The following ABCA10 variants were observed in gnomAD, a reference collection of about 807,000 sequenced individuals.
ABCA10 encodes ATP binding cassette subfamily A member 10, also known as ATP-binding cassette sub-family A member 10.
Under a neutral mutation model 187.5 loss-of-function variants are expected in ABCA10, and 169 were observed. The ratio of observed to expected loss-of-function variants is 0.90; its 90% confidence interval spans 0.80 to 1.02. The LOEUF (loss-of-function observed/expected upper bound fraction) is 1.02. ABCA10 is among the 50% of genes least tolerant of loss of function. ABCA10 has a pLI of 0.00. For synonymous variants in ABCA10, 574 were observed against 601.8 expected, an observed-to-expected ratio of 0.95 and a Z score of 0.68; for missense variants, 1,727 against 1,812.4, an observed-to-expected ratio of 0.95 and a Z score of 0.86.
chr17:69,174,800 G>C (rs1242265441), intron 23 of ABCA10, 23 bp from the exon 24 acceptor site: 1 of 1,527,726 alleles, frequency 6.5e-7, no homozygotes, highest in Non-Finnish European at 8.8e-7. Context: ...AGAAGGGATA[G>C]AGGAAGGGAT....
chr17:69,222,596 A>G lies in ABCA10; in HGVS notation c.136T>C (p.Tyr46His). ...TATCCCCAATTAAACTTCAGGCGATATGAGAAAGTATCACTAAATATAACT... is the reference window on the plus strand; with the variant it reads ...TATCCCCAATTAAACTTCAGGCGATGTGAGAAAGTATCACTAAATATAACT... ...VGVIFSDTFSYRLKFNWGYRI... is the reference protein window; with the variant it reads ...VGVIFSDTFSHRLKFNWGYRI... Residue 46 changes from tyrosine (Y) to histidine (H), a missense_variant, in exon 4 of 39, where the codon TAT becomes CAT. Physicochemically the swap from Tyr to His is moderately conservative, Grantham distance 83 (BLOSUM62 2). Coordinates refer to ENST00000690296, the MANE Select transcript of ABCA10 (RefSeq NM_001377321.1). 1 of 1,603,600 alleles carries G rather than the reference A, an allele frequency of 6.2e-7. No homozygotes were observed. The highest frequency in any genetic ancestry group is 1.8e-5 in the Admixed American group (1 of 56,530).
chr17:69,202,034 C>T (rs187521831), intron 9 of ABCA10, among the ~76,000 whole-genome samples: 3 of 152,302 alleles, frequency 2.0e-5, no homozygotes, highest in South Asian at 2.1e-4. Flanking sequence ...CCGCCCACCT[C>T]GGCCTCCCAA....
chr17:69,197,598 A>G (rs944853834), intron 10 of ABCA10, among the ~76,000 whole-genome samples: 4 of 152,214 alleles, frequency 2.6e-5, no homozygotes, highest in Middle Eastern at 3.2e-3. Flanking sequence ...ACTATTCCCA[A>G]TGAAATTCAC....
At position 69,185,506 on chromosome 17, in the gene ABCA10, A is replaced by C. The variant is rs2144794414; in HGVS notation, c.2468T>G (p.Leu823Arg). 6.2e-7 allele frequency: 1 copy of C among 1,613,612 alleles called. No individual in the cohort carries two copies. Among genetic ancestry groups the C allele is most frequent in the South Asian group, 1.1e-5 (1 of 91,016 alleles). The stretch of plus-strand genomic sequence containing the variant: ...ATTATTAACGATTAACAGGCTGGTA[A>C]GAGGCGTCTTCGGGATTTGTTCCAG... ...LSLEQIPKTP[L>R]TSLLIVNNTG... The change falls in exon 20 of 39, where the codon CTT becomes CGT. Residue 823 changes from leucine (L) to arginine (R), a missense_variant. Transcript: ENST00000690296.
Position 69,219,718 on chromosome 17 carries a change from AT to A in ABCA10, c.356del (p.Asn119IlefsTer2). ...MEELTSVIGINMKIPPFISKG... is the reference protein window; with the variant it reads ...MEELTSVIGIXMKIPPFISKG... Reference sequence around the variant, plus strand: ...TAGAAATGAAAGGTGGTATCTTCATATTTATTCCAATAACTGATGTCAACTC... The same window carrying A: ...TAGAAATGAAAGGTGGTATCTTCATATTATTCCAATAACTGATGTCAACTC... On this transcript the variant is annotated frameshift_variant, in exon 6 of 39. Transcript: ENST00000690296. LOFTEE classifies it high-confidence loss of function. 1 of 1,609,350 alleles carries A rather than the reference AT, an allele frequency of 6.2e-7. No individual in the cohort carries two copies. The highest frequency in any genetic ancestry group is 8.5e-7 in the Non-Finnish European group (1 of 1,178,094).
chr17:69,186,141 C>T (rs2074419085), intron 19 of ABCA10, among the ~76,000 whole-genome samples: 1 of 152,108 alleles, frequency 6.6e-6, no homozygotes, highest in African/African-American at 2.4e-5. Context: ...TAGAAGTCAT[C>T]CCACCAACTC....
At chr17:69,206,776 G>A (rs1377530340) in intron 9 of ABCA10, among the ~76,000 whole-genome samples, 1 of 152,168 alleles carries the variant, frequency 6.6e-6, no homozygotes, top group Non-Finnish European at 1.5e-5. Context: ...TCAAAATGGA[G>A]TAAAGACTTA....
chr17:69,154,371 C>A, intron 30 of ABCA10, 45 bp from the exon 31 acceptor site: 5 of 1,365,410 alleles, frequency 3.7e-6, no homozygotes, highest in Non-Finnish European at 5.1e-6. Context: ...TCAAGGTTGA[C>A]TAATCTAAAA....
chr17:69,211,365 ACACAC>A (rs1224423681), intron 9 of ABCA10, among the ~76,000 whole-genome samples: 34 of 138,156 alleles, frequency 2.5e-4, no homozygotes, highest in African/African-American at 7.3e-4. Flanking sequence ...ATATATACAC[ACACAC>A]CACATTTTCT....
intron 16 of ABCA10, 119 bp from the exon 17 acceptor site, chr17:69,191,434 G>A: frequency 9.3e-7 from 1 of 1,071,424 alleles, no homozygotes; most frequent in East Asian, 3.1e-5. Context: ...CTTAACTCTA[G>A]TAATTGGTTC....
intron 25 of ABCA10, among the ~76,000 whole-genome samples, chr17:69,167,671 T>C (rs2074263479): frequency 6.6e-6 from 1 of 152,054 alleles, no homozygotes; most frequent in African/African-American, 2.4e-5. Flanking sequence ...AGAAAGAAGA[T>C]GTAGAAGAAG....
In ABCA10 at chr17:69,185,587, T is replaced by C; in HGVS notation, c.2387A>G (p.Lys796Arg). ...IPIILEKIMYKVTRETHCWEF... is the reference protein window; with the variant it reads ...IPIILEKIMYRVTRETHCWEF... ...CCAACAATGAGTTTCACGAGTTACT[T>C]TATACATTATCTTCTCTAGAATGAT... Residue 796 changes from lysine to arginine, a missense_variant, in exon 20 of 39, where the codon AAA becomes AGA. By Grantham distance (26) the Lys-to-Arg change is conservative. Transcript: ENST00000690296. The C allele has an allele frequency of 6.2e-7, 1 of 1,612,986 alleles. No homozygotes were observed. The highest frequency in any genetic ancestry group is 8.5e-7 in the Non-Finnish European group (1 of 1,179,146).
At chr17:69,170,156 C>T (rs937688922) in intron 25 of ABCA10, among the ~76,000 whole-genome samples, 4 of 151,642 alleles carry the variant, frequency 2.6e-5, no homozygotes, top group Non-Finnish European at 5.9e-5. Context: ...GGCATGGTGG[C>T]GCACACCTGT....
At chr17:69,157,038 T>C (rs1234878940) in intron 27 of ABCA10, 115 bp from the exon 28 acceptor site, 1 of 617,260 alleles carries the variant, frequency 1.6e-6, no homozygotes, top group Non-Finnish European at 2.6e-6. Flanking sequence ...GAAGATTTGA[T>C]CATTTTCTTT....
At chr17:69,213,921 G>A (rs564241388) in intron 9 of ABCA10, among the ~76,000 whole-genome samples, 3 of 152,070 alleles carry the variant, frequency 2.0e-5, no homozygotes, top group African/African-American at 7.2e-5. Flanking sequence ...CTGATGTTTC[G>A]ACAAAAGGGA....
intron 6 of ABCA10, 39 bp from the exon 7 acceptor site, chr17:69,216,397 C>A: frequency 6.3e-7 from 1 of 1,575,680 alleles, no homozygotes; most frequent in Non-Finnish European, 8.6e-7. Context: ...CTGTCACAAA[C>A]ATAAATGTTT....
chr17:69,226,358 C>T (rs1342464189), intron 2 of ABCA10, among the ~76,000 whole-genome samples: 1 of 151,958 alleles, frequency 6.6e-6, no homozygotes, highest in African/African-American at 2.4e-5. Context: ...ATGTATCCTT[C>T]TTCAATATAC....
intron 25 of ABCA10, among the ~76,000 whole-genome samples, chr17:69,166,110 T>G (rs1256427124): frequency 6.6e-6 from 1 of 152,184 alleles, no homozygotes; most frequent in Middle Eastern, 3.2e-3. Context: ...GTTGCTACTG[T>G]GATGAGCTCA....
intron 10 of ABCA10, 90 bp downstream of exon 10, chr17:69,201,410 A>G (rs549556028): frequency 1.5e-5 from 17 of 1,166,078 alleles, no homozygotes; most frequent in East Asian, 5.3e-5. Flanking sequence ...AAAAGAAAAG[A>G]ACACATAATC....
Sources: gnomAD v4.1 joint callset for allele counts (sites outside exome capture counted in the v4.1 genomes callset) on GRCh38, gnomAD v4.1.1 for gene constraint, MANE v1.5 for transcripts, NCBI Gene and HGNC (gene_info 2026-07-23, HGNC 2026-07-21) for gene names.